The following TRDN variants were observed in gnomAD, a reference collection of about 807,000 sequenced individuals.
The protein encoded by TRDN is triadin, also known as triadin in skeletal muscle.
Under a neutral mutation model 149.7 loss-of-function variants are expected in TRDN, and 161 were observed. The observed-to-expected ratio is 1.08, with a 90% CI of 0.95 to 1.23. The LOEUF (loss-of-function observed/expected upper bound fraction) is 1.23, where lower values mean the gene tolerates loss of function less well. Among genes scored for constraint, TRDN ranks in the 50% most tolerant of loss-of-function variants. The pLI, the probability that TRDN is intolerant of heterozygous loss-of-function variation, is 0.00. For synonymous variants in TRDN, 294 were observed against 250.5 expected, an observed-to-expected ratio of 1.17 and a Z score of -1.64; for missense variants, 896 against 823.5, an observed-to-expected ratio of 1.09 and a Z score of -1.08.
At chr6:123,575,965 A>G (rs192109201) in intron 1 of TRDN, among the ~76,000 whole-genome samples, 19 of 152,244 alleles carry the variant, frequency 1.2e-4, no homozygotes, top group African/African-American at 4.6e-4. Context: ...TTGCATTCTC[A>G]TTACATAAAA....
intron 22 of TRDN, among the ~76,000 whole-genome samples, chr6:123,336,698 A>G (rs1479122490): frequency 6.6e-6 from 1 of 151,858 alleles, no homozygotes; most frequent in Non-Finnish European, 1.5e-5. Context: ...TATTAGATGC[A>G]GAATAAATAA....
At chr6:123,385,601 T>C (rs1310061801) in intron 14 of TRDN, among the ~76,000 whole-genome samples, 1 of 152,170 alleles carries the variant, frequency 6.6e-6, no homozygotes, top group Admixed American at 6.5e-5. Flanking sequence ...GCTTTGTTTT[T>C]CAGCATGATT....
chr6:123,438,948 C>T lies in TRDN; in HGVS notation c.987G>A (p.Lys329=), dbSNP rs753488186. 6.4e-7 allele frequency: 1 copy of T among 1,558,712 alleles called. No homozygotes were observed. Among genetic ancestry groups the T allele is most frequent in the Non-Finnish European group, 8.7e-7 (1 of 1,150,022 alleles). Residue 329 remains lysine, a synonymous_variant, in exon 11 of 41, where the codon AAG becomes AAA. Transcript: ENST00000334268. ...AEKKVTSETK[K]KEKEDIKKKS... ...CATGGCTTTTAAATTTCCTACCTTT[C>T]TTTTTTGTTTCAGAAGTAACTTTCT...
At chr6:123,501,709 T>C in intron 8 of TRDN, 1 of 431,986 alleles carries the variant, frequency 2.3e-6, no homozygotes, top group Non-Finnish European at 3.1e-6. Context: ...CAATTGCAAT[T>C]GTTTAGCTGA....
chr6:123,267,952 G>C (rs1218625979), intron 31 of TRDN, among the ~76,000 whole-genome samples: 1 of 152,046 alleles, frequency 6.6e-6, no homozygotes, highest in Non-Finnish European at 1.5e-5. Flanking sequence ...CCCAGGAAAA[G>C]GCTTTTTTCT....
chr6:123,416,157 C>A (rs1473507165), intron 12 of TRDN, among the ~76,000 whole-genome samples: 1 of 152,110 alleles, frequency 6.6e-6, no homozygotes. Context: ...ATTTTCCAGC[C>A]AACAAAACAC....
intron 1 of TRDN, among the ~76,000 whole-genome samples, chr6:123,622,798 T>A (rs564986032): frequency 3.3e-5 from 5 of 152,192 alleles, no homozygotes; most frequent in African/African-American, 1.2e-4. Flanking sequence ...GATTTGAAAA[T>A]ACATTTGTCA....
intron 8 of TRDN, chr6:123,502,939 G>A (rs530164965): frequency 1.2e-4 from 115 of 985,304 alleles, no homozygotes; most frequent in African/African-American, 8.7e-4. Context: ...AAGGGCCAGA[G>A]ATGTGGTACG....
intron 10 of TRDN, among the ~76,000 whole-genome samples, chr6:123,451,623 A>T (rs2114655708): frequency 6.6e-6 from 1 of 152,176 alleles, no homozygotes; most frequent in Non-Finnish European, 1.5e-5. Context: ...TTACCAACAA[A>T]AAAAAGTCCA....
At chr6:123,358,631 A>T (rs1562276913) in intron 20 of TRDN, among the ~76,000 whole-genome samples, 5 of 113,366 alleles carry the variant, frequency 4.4e-5, no homozygotes, top group Admixed American at 2.0e-4. Context: ...TGCCTGGCTA[A>T]TTTTTTTGTA....
chr6:123,227,703 C>T (rs1436792972), intron 38 of TRDN, among the ~76,000 whole-genome samples: 1 of 151,660 alleles, frequency 6.6e-6, no homozygotes, highest in East Asian at 2.0e-4. Context: ...GAACAACAAC[C>T]ATATGAGGCA....
chr6:123,384,570 A>G (rs1781837574), intron 14 of TRDN, among the ~76,000 whole-genome samples: 1 of 152,226 alleles, frequency 6.6e-6, no homozygotes, highest in South Asian at 2.1e-4. Context: ...ATGTACAGAA[A>G]GTTCAATATA....
At chr6:123,521,032 A>G (rs1468015064) in intron 5 of TRDN, among the ~76,000 whole-genome samples, 1 of 152,144 alleles carries the variant, frequency 6.6e-6, no homozygotes, top group Non-Finnish European at 1.5e-5. Context: ...AATGTATTTG[A>G]TTGCATTTTG....
intron 16 of TRDN, among the ~76,000 whole-genome samples, chr6:123,380,918 T>A (rs559376928): frequency 1.3e-5 from 2 of 152,130 alleles, no homozygotes; most frequent in African/African-American, 4.8e-5. Context: ...GGAAATTATG[T>A]TATGGGAAAA....
At chr6:123,518,987 C>T (rs1012373861) in intron 5 of TRDN, among the ~76,000 whole-genome samples, 6 of 152,150 alleles carry the variant, frequency 3.9e-5, no homozygotes, top group Middle Eastern at 3.2e-3. Flanking sequence ...CAGCTGCATT[C>T]GCTTGAGCGT....
intron 22 of TRDN, among the ~76,000 whole-genome samples, chr6:123,336,996 T>A (rs191501257): frequency 1.3e-5 from 2 of 152,064 alleles, no homozygotes; most frequent in Admixed American, 6.6e-5. Flanking sequence ...TTAGGATCAG[T>A]TTAAATATTT....
chr6:123,619,218 G>C (rs961162569), intron 1 of TRDN, among the ~76,000 whole-genome samples: 1 of 152,182 alleles, frequency 6.6e-6, no homozygotes, highest in Admixed American at 6.5e-5. Context: ...TAAAACAACT[G>C]TAATCATTTA....
intron 38 of TRDN, among the ~76,000 whole-genome samples, chr6:123,249,606 A>C (rs1455587679): frequency 1.3e-5 from 2 of 152,184 alleles, no homozygotes; most frequent in African/African-American, 4.8e-5. Context: ...GCCATAAAAA[A>C]CAGTAAAATC....
chr6:123,434,429 A>G (rs13205435), intron 12 of TRDN, among the ~76,000 whole-genome samples: 17,930 of 152,200 alleles, frequency 0.12, 1,249 homozygotes, highest in African/African-American at 0.19. Context: ...GCTTGCCTCA[A>G]CATTTCCAGG....
Sources: allele counts gnomAD v4.1 joint callset (sites outside exome capture counted in the v4.1 genomes callset), GRCh38; gene constraint gnomAD v4.1.1; transcripts MANE v1.5; gene names NCBI Gene and HGNC (gene_info 2026-07-23, HGNC 2026-07-21).